Variants in MCTP1 observed in about 807,000 individuals in gnomAD.
MCTP1 encodes multiple C2 and transmembrane domain-containing protein 1.
A neutral mutation model predicts 120.6 loss-of-function variants in MCTP1; 69 were observed. The ratio of observed to expected loss-of-function variants is 0.57; its 90% CI spans 0.47 to 0.70. The LOEUF is 0.70. Among genes scored for constraint, MCTP1 ranks in the 30% least tolerant of loss-of-function variants. The pLI is 0.00. For missense variants in MCTP1, 1,203 were observed against 1,248.8 expected, an observed-to-expected ratio of 0.96 and a Z score of 0.55; for synonymous variants, 529 against 493.1, an observed-to-expected ratio of 1.07 and a Z score of -0.96.
At chr5:94,724,982 A>C (rs1761817757) in intron 19 of MCTP1, among the ~76,000 whole-genome samples, 1 of 152,172 alleles carries the variant, frequency 6.6e-6, no homozygotes, top group Non-Finnish European at 1.5e-5. Flanking sequence ...AAAGTAACAA[A>C]GGCTACTTTC....
intron 12 of MCTP1, among the ~76,000 whole-genome samples, chr5:94,877,412 A>C (rs553292137): frequency 6.6e-6 from 1 of 152,068 alleles, no homozygotes; most frequent in African/African-American, 2.4e-5. Flanking sequence ...TTTTTTTTAA[A>C]TCTCCCATGA....
chr5:94,791,297 C>CAA (rs879859758), intron 18 of MCTP1, among the ~76,000 whole-genome samples: 3 of 139,960 alleles, frequency 2.1e-5, no homozygotes, highest in South Asian at 2.3e-4. Context: ...GACTCTGTTT[C>CAA]AAAAAAAAAA....
At chr5:95,140,060 C>T (rs939823940) in intron 1 of MCTP1, among the ~76,000 whole-genome samples, 1 of 152,202 alleles carries the variant, frequency 6.6e-6, no homozygotes, top group African/African-American at 2.4e-5. Context: ...TCAGCTTGAC[C>T]TCTACCTTCC....
At chr5:94,716,436 G>A (rs1190685754) in intron 19 of MCTP1, among the ~76,000 whole-genome samples, 1 of 150,546 alleles carries the variant, frequency 6.6e-6, no homozygotes, top group Non-Finnish European at 1.5e-5. Flanking sequence ...AATTGTGCAC[G>A]TTAGAGTAAA....
chr5:94,779,804 T>C (rs557784003), intron 18 of MCTP1, among the ~76,000 whole-genome samples: 1 of 152,276 alleles, frequency 6.6e-6, no homozygotes, highest in Non-Finnish European at 1.5e-5. Context: ...AAATAATATA[T>C]AATTACATGT....
intron 16 of MCTP1, among the ~76,000 whole-genome samples, chr5:94,870,099 A>AT (rs1460270016): frequency 6.6e-6 from 1 of 152,118 alleles, no homozygotes; most frequent in Non-Finnish European, 1.5e-5. Flanking sequence ...ATCAAATTGC[A>AT]TTTTATGTTC....
chr5:94,811,517 T>C (rs1783405350), intron 17 of MCTP1, among the ~76,000 whole-genome samples: 2 of 152,214 alleles, frequency 1.3e-5, no homozygotes, highest in South Asian at 4.1e-4. Context: ...AGTTCACTTG[T>C]AGGCCAGCTC....
At chr5:95,000,727 A>T (rs1388839149) in intron 2 of MCTP1, among the ~76,000 whole-genome samples, 1 of 152,238 alleles carries the variant, frequency 6.6e-6, no homozygotes, top group Non-Finnish European at 1.5e-5. Context: ...GTTAAAAAAG[A>T]TTACAATGAG....
At position 94,995,752 on chromosome 5, in the gene MCTP1, T is replaced by C. The variant is rs549192661; in HGVS notation, c.838+21615A>G. ...TATTTTGATTGGTTTTTGAGATTAA[T>C]AGATGCATAAAAATTTAGAATAAGG... On this transcript the variant is annotated intron_variant, in intron 2 of 22. Transcript: ENST00000515393. Among the ~76,000 whole-genome samples the C allele has an allele frequency of 2.2e-4, 34 of 152,262 alleles. No homozygotes were observed. The East Asian group carries it at 5.8e-3, about 26-fold the overall frequency.
rs56789493 is a variant in MCTP1, at chr5:95,186,272, G to GA, written c.720+97583dup. Among the ~76,000 whole-genome samples the GA allele has an allele frequency of 4.2e-4, 59 of 140,384 alleles. No individual in the cohort carries two copies. The East Asian group carries it at 0.011, about 26-fold the overall frequency. 92.1% of individuals were successfully genotyped at this position (140,384 alleles called of 152,430 possible). A position where few individuals can be genotyped will look rare whatever the true frequency, so the allele number is the denominator to read the frequency against. Reference sequence around the variant, plus strand: ...CCCAAGGAATCTACCAAAAAAAAAAGAAAAAAAAGAAAAAAAAAACTCCCA... The same window carrying GA: ...CCCAAGGAATCTACCAAAAAAAAAAGAAAAAAAAAGAAAAAAAAAACTCCCA... On this transcript the variant is annotated intron_variant, in intron 1 of 22. Transcript: ENST00000515393.
rs1237939289 is a variant in MCTP1 at position 95,150,833 on chromosome 5, A to G, written c.720+133023T>C. Reference sequence around the variant, plus strand: ...AAAGTCCACAGTTGAAAATCCACACATAACTTTTGACTCCTCAAAAACTTA... The same window carrying G: ...AAAGTCCACAGTTGAAAATCCACACGTAACTTTTGACTCCTCAAAAACTTA... On this transcript the variant is annotated intron_variant, in intron 1 of 22. Coordinates refer to ENST00000515393, the MANE Select transcript of MCTP1 (RefSeq NM_024717.7). Among the ~76,000 whole-genome samples, 5 of 152,302 alleles carry G rather than the reference A, an allele frequency of 3.3e-5. No individual in the cohort carries two copies. The East Asian group carries it at 5.8e-4, about 18-fold the overall frequency.
At chr5:95,055,799 A>G (rs1396657164) in intron 1 of MCTP1, among the ~76,000 whole-genome samples, 1 of 152,202 alleles carries the variant, frequency 6.6e-6, no homozygotes, top group East Asian at 1.9e-4. Context: ...AGTAGGATCA[A>G]TAATATCTAC....
At chr5:94,898,943 T>C (rs1429109602) in intron 10 of MCTP1, among the ~76,000 whole-genome samples, 1 of 152,240 alleles carries the variant, frequency 6.6e-6, no homozygotes, top group East Asian at 1.9e-4. Flanking sequence ...ATGTTTACAT[T>C]TGCTGCATCT....
intron 2 of MCTP1, among the ~76,000 whole-genome samples, chr5:94,975,254 G>A (rs374810176): frequency 4.6e-5 from 7 of 152,048 alleles, no homozygotes; most frequent in South Asian, 2.1e-4. Context: ...TGCCAAATTC[G>A]TAGGCTGAAA....
chr5:94,861,154 G>A (rs1157736517), intron 17 of MCTP1, among the ~76,000 whole-genome samples: 1 of 151,716 alleles, frequency 6.6e-6, no homozygotes, highest in African/African-American at 2.4e-5. Flanking sequence ...CTGTCATCAC[G>A]GCAAAGTACA....
intron 2 of MCTP1, among the ~76,000 whole-genome samples, chr5:94,958,406 A>T (rs1034347912): frequency 2.6e-5 from 4 of 152,166 alleles, no homozygotes; most frequent in African/African-American, 9.7e-5. Context: ...GAAGACAAGA[A>T]ATAACTAAGA....
intron 17 of MCTP1, among the ~76,000 whole-genome samples, chr5:94,810,147 T>C (rs1443728840): frequency 6.6e-6 from 1 of 152,128 alleles, no homozygotes; most frequent in Non-Finnish European, 1.5e-5. Flanking sequence ...TTTATTTAAG[T>C]ATATTTTACA....
chr5:94,881,174 A>G (rs147097446), intron 12 of MCTP1, among the ~76,000 whole-genome samples: 81 of 152,242 alleles, frequency 5.3e-4, no homozygotes, highest in African/African-American at 1.9e-3. Flanking sequence ...GAGCACGTGG[A>G]GTTAATTTTA....
chr5:95,208,733 A>G (rs1375167424), intron 1 of MCTP1, among the ~76,000 whole-genome samples: 1 of 152,074 alleles, frequency 6.6e-6, no homozygotes, highest in African/African-American at 2.4e-5. Flanking sequence ...TTTCAGAAAA[A>G]AAAAAAAAAA....
Sources: allele counts gnomAD v4.1 joint callset (sites outside exome capture counted in the v4.1 genomes callset), GRCh38; gene constraint gnomAD v4.1.1; transcripts MANE v1.5; gene names NCBI Gene and HGNC (gene_info 2026-07-23, HGNC 2026-07-21).